Variants in MIS18A observed in about 807,000 individuals in gnomAD.
The protein encoded by MIS18A is protein Mis18-alpha.
In MIS18A, 14 loss-of-function variants were observed where a neutral mutation model predicts 25.0. The ratio of observed to expected loss-of-function variants is 0.56; its 90% CI spans 0.37 to 0.88. MIS18A has a LOEUF of 0.88. Ranked by LOEUF, MIS18A falls within the 40% of genes least tolerant of loss-of-function variation. MIS18A has a pLI of 0.00. For missense variants in MIS18A, 292 were observed against 290.8 expected, an observed-to-expected ratio of 1.00 and a Z score of -0.03; for synonymous variants, 134 against 118.6, an observed-to-expected ratio of 1.13 and a Z score of -0.84.
chr21:32,210,976 A>G, the MIS18A span, among the ~76,000 whole-genome samples: 5 of 152,216 alleles, frequency 3.3e-5, no homozygotes, highest in Non-Finnish European at 7.3e-5. Context: ...AATAACTCTC[A>G]GGTCATCTTG....
the MIS18A span, among the ~76,000 whole-genome samples, chr21:32,182,414 C>G: frequency 6.6e-6 from 1 of 152,194 alleles, no homozygotes; most frequent in African/African-American, 2.4e-5. Context: ...CCCACAAACA[C>G]ACACAAAAGG....
the MIS18A span, among the ~76,000 whole-genome samples, chr21:32,206,792 T>G: frequency 6.6e-6 from 1 of 152,142 alleles, no homozygotes; most frequent in Non-Finnish European, 1.5e-5. Flanking sequence ...CAGGTCACTC[T>G]CCAGCATCTT....
the MIS18A span, among the ~76,000 whole-genome samples, chr21:32,241,398 A>G: frequency 0.52 from 78,270 of 151,374 alleles, 21,766 homozygotes; most frequent in African/African-American, 0.73. Flanking sequence ...TCAAGAAAGC[A>G]ACAGAGCCAA....
the MIS18A span, among the ~76,000 whole-genome samples, chr21:32,248,115 A>G: frequency 2.6e-5 from 4 of 152,210 alleles, no homozygotes; most frequent in Non-Finnish European, 5.9e-5. Flanking sequence ...TGTGGCTCCC[A>G]GGCTACACTT....
At chr21:32,234,359 T>C in the MIS18A span, among the ~76,000 whole-genome samples, 1 of 152,118 alleles carries the variant, frequency 6.6e-6, no homozygotes, top group African/African-American at 2.4e-5. Context: ...TTTGATCCCA[T>C]GAGCTCCCTC....
downstream of MIS18A, among the ~76,000 whole-genome samples, chr21:32,268,022 C>T (rs190550013): frequency 9.2e-5 from 14 of 152,286 alleles, no homozygotes; most frequent in South Asian, 4.1e-4. Context: ...TCGGAGCAAA[C>T]GCTGAGTTAC....
chr21:32,278,592 A>T, intron 1 of MIS18A, 89 bp downstream of exon 1: 1 of 1,326,596 alleles, frequency 7.5e-7, no homozygotes, highest in Non-Finnish European at 1.0e-6. Flanking sequence ...AGCCCCAAGG[A>T]GCCCCCGCCT....
the MIS18A span, among the ~76,000 whole-genome samples, chr21:32,163,705 A>C: frequency 1.3e-5 from 2 of 152,164 alleles, no homozygotes; most frequent in Non-Finnish European, 1.5e-5. Flanking sequence ...ATTGCTTCCC[A>C]AAGGCTCTTT....
At chr21:32,248,278 T>C in the MIS18A span, among the ~76,000 whole-genome samples, 2 of 152,176 alleles carry the variant, frequency 1.3e-5, no homozygotes, top group Admixed American at 6.5e-5. Context: ...CCCTGAGATA[T>C]TACTGCCCCA....
chr21:32,274,498 G>A lies in MIS18A; in HGVS notation c.401+332C>T, dbSNP rs570571843. 1.1e-4 allele frequency among the ~76,000 whole-genome samples: 17 copies of A among 152,082 alleles called. No homozygotes were observed. The East Asian group carries it at 2.3e-3, about 21-fold the overall frequency. Reference sequence around the variant, plus strand: ...TGGGATTACAGGCGTGAGCCACCGTGCCCGACCTTCTTTTTCTATTTTTAT... The same window carrying A: ...TGGGATTACAGGCGTGAGCCACCGTACCCGACCTTCTTTTTCTATTTTTAT... On this transcript the variant is annotated intron_variant, in intron 2 of 4. Transcript: ENST00000290130.
At chr21:32,211,689 C>T in the MIS18A span, among the ~76,000 whole-genome samples, 1 of 152,218 alleles carries the variant, frequency 6.6e-6, no homozygotes, top group African/African-American at 2.4e-5. Context: ...AGAAACTTCT[C>T]ATTGGTAGTT....
At chr21:32,261,778 CG>C in the MIS18A span, among the ~76,000 whole-genome samples, 1 of 152,140 alleles carries the variant, frequency 6.6e-6, no homozygotes, top group Non-Finnish European at 1.5e-5. Flanking sequence ...AGAAGACACA[CG>C]GAGAGGTGAG....
At chr21:32,243,960 A>C in the MIS18A span, among the ~76,000 whole-genome samples, 43 of 152,212 alleles carry the variant, frequency 2.8e-4, no homozygotes, top group Non-Finnish European at 5.9e-5. Context: ...ACTCAAAAAA[A>C]TAAAAATAAA....
At chr21:32,216,870 T>A in the MIS18A span, among the ~76,000 whole-genome samples, 3 of 152,342 alleles carry the variant, frequency 2.0e-5, no homozygotes, top group East Asian at 1.9e-4. Flanking sequence ...TAATTATTAG[T>A]GTACCACTAA....
chr21:32,219,307 T>C, the MIS18A span, among the ~76,000 whole-genome samples: 51 of 152,048 alleles, frequency 3.4e-4, no homozygotes, highest in Non-Finnish European at 6.6e-4. Flanking sequence ...GGTTACACAG[T>C]GGGTGCAGCC....
the MIS18A span, among the ~76,000 whole-genome samples, chr21:32,213,100 C>A: frequency 3.3e-5 from 5 of 152,294 alleles, no homozygotes; most frequent in African/African-American, 1.2e-4. Context: ...TTAAGGTGGG[C>A]AACTCAGCCA....
the MIS18A span, among the ~76,000 whole-genome samples, chr21:32,172,591 T>C: frequency 1.6e-5 from 2 of 122,486 alleles, no homozygotes; most frequent in Non-Finnish European, 3.4e-5. Flanking sequence ...CTTTTTCCTT[T>C]CCTTTTTTTT....
At chr21:32,229,180 T>C in the MIS18A span, among the ~76,000 whole-genome samples, 718 of 152,304 alleles carry the variant, frequency 4.7e-3, 7 homozygotes, top group Middle Eastern at 0.017. Context: ...TGGATATATG[T>C]CAAAAAAACA....
chr21:32,278,925 C>G lies in MIS18A; in HGVS notation c.90G>C (p.Leu30=). 1 of 1,613,624 alleles carries G rather than the reference C, an allele frequency of 6.2e-7. No homozygotes were observed. Among genetic ancestry groups the G allele is most frequent in the African/African-American group, 1.3e-5 (1 of 75,072 alleles). The change falls in exon 1 of 5, where the codon CTG becomes CTC. Residue 30 remains leucine, a synonymous_variant. Transcript: ENST00000290130. ...AGTCTTCGGAGAGTCTCTTGCCCAA[C>G]AGCGAGGAGTCGCTGCATTTGCCCT... is the stretch of plus-strand genomic sequence containing the variant. ...GDKGKCSDSS[L]LGKRLSEDSS... is the part of the protein sequence containing the mutation.
Sources: gnomAD v4.1 joint callset for allele counts (sites outside exome capture counted in the v4.1 genomes callset) on GRCh38, gnomAD v4.1.1 for gene constraint, MANE v1.5 for transcripts, NCBI Gene and HGNC (gene_info 2026-07-23, HGNC 2026-07-21) for gene names.